The following CBFA2T3 variants were observed in gnomAD, a reference collection of about 807,000 sequenced individuals.
The protein encoded by CBFA2T3 is CBFA2/RUNX1 partner transcriptional co-repressor 3, also known as transcriptional corepressor CBFA2T3.
CBFA2T3 carries 31 observed loss-of-function variants against 58.6 expected under a neutral mutation model. That is an observed-to-expected ratio of 0.53 (90% confidence interval 0.40 to 0.71). CBFA2T3 has a LOEUF of 0.71. Ranked by LOEUF, CBFA2T3 falls within the 30% of genes least tolerant of loss-of-function variation. The pLI, the probability that CBFA2T3 is intolerant of heterozygous loss-of-function variation, is 0.00. For missense variants in CBFA2T3, 1,076 were observed against 963.1 expected (o/e 1.12, Z -1.55); for synonymous variants, 531 against 421.9 (o/e 1.26, Z -3.17).
Position 88,877,233 on chromosome 16 carries a change from C to T in CBFA2T3, c.1705G>A (p.Gly569Ser). Residue 569 changes from glycine (G) to serine (S), a missense_variant, in exon 12 of 12, where the codon GGC becomes AGC. By Grantham distance (56) the Gly-to-Ser change is moderately conservative (BLOSUM62 0). Transcript: ENST00000268679. ...CCGCAGTAGCGTGCCGCGTTGCAGCCGCTGCACGTCTCACTGGCTTTCCGC... is the reference window on the plus strand; with the variant it reads ...CCGCAGTAGCGTGCCGCGTTGCAGCTGCTGCACGTCTCACTGGCTTTCCGC... ...CGRKASETCS[G>S]CNAARYCGSF... The T allele has an allele frequency of 6.4e-7, 1 of 1,555,698 alleles. No homozygotes were observed. The highest frequency in any genetic ancestry group is 8.7e-7 in the Non-Finnish European group (1 of 1,150,340).
chr16:88,886,373 C>A (rs1041207746), intron 5 of CBFA2T3: 5 of 397,786 alleles, frequency 1.3e-5, no homozygotes, highest in Admixed American at 4.1e-5. Context: ...CTGGGCCACA[C>A]GGCGATGTGG....
intron 1 of CBFA2T3, among the ~76,000 whole-genome samples, chr16:88,931,969 C>T (rs962664728): frequency 3.3e-5 from 5 of 152,090 alleles, no homozygotes; most frequent in Non-Finnish European, 7.4e-5. Context: ...GTCTGGACAG[C>T]CAGGTCATAG....
chr16:88,881,320 C>A lies in CBFA2T3; in HGVS notation c.1373G>T (p.Ser458Ile). Residue 458 changes from serine to isoleucine, a missense_variant, in exon 9 of 12, where the codon AGC becomes ATC. By Grantham distance (142) the Ser-to-Ile change is moderately radical (BLOSUM62 -2). Transcript: ENST00000268679. ...CTGAGGCCCTTCGGGACCGGCGGAGCTGCTGCGGGGCCGGGCCGCGGCGGG... is the reference window on the plus strand; with the variant it reads ...CTGAGGCCCTTCGGGACCGGCGGAGATGCTGCGGGGCCGGGCCGCGGCGGG... ...PAPAAARPRS[S>I]SAGPEGPQLD... is the part of the protein sequence containing the mutation. The A allele has an allele frequency of 6.3e-7, 1 of 1,589,276 alleles. No homozygotes were observed. The highest frequency in any genetic ancestry group is 1.1e-5 in the South Asian group (1 of 89,120).
intron 3 of CBFA2T3, among the ~76,000 whole-genome samples, chr16:88,893,426 G>A (rs1051775172): frequency 6.6e-6 from 1 of 152,122 alleles, no homozygotes; most frequent in East Asian, 1.9e-4. Flanking sequence ...GTGACTCCCA[G>A]CCATGAGCAA....
intron 1 of CBFA2T3, among the ~76,000 whole-genome samples, chr16:88,925,174 G>A (rs937713858): frequency 6.6e-6 from 1 of 152,248 alleles, no homozygotes; most frequent in Admixed American, 6.5e-5. Context: ...GCAGAGGGCC[G>A]GGTTCCAGCC....
intron 3 of CBFA2T3, among the ~76,000 whole-genome samples, chr16:88,893,599 A>G (rs1461888768): frequency 2.0e-5 from 3 of 152,194 alleles, no homozygotes; most frequent in Admixed American, 6.5e-5. Context: ...CCGTGCACAC[A>G]GGCCAGTGCA....
intron 1 of CBFA2T3, among the ~76,000 whole-genome samples, chr16:88,964,604 C>T (rs370385316): frequency 1.8e-4 from 28 of 152,280 alleles, no homozygotes; most frequent in African/African-American, 5.1e-4. Flanking sequence ...TCCCTCATCG[C>T]GGAATAATAC....
At chr16:88,888,858 G>A (rs1033556505) in intron 5 of CBFA2T3, among the ~76,000 whole-genome samples, 3 of 151,844 alleles carry the variant, frequency 2.0e-5, no homozygotes, top group Non-Finnish European at 2.9e-5. Context: ...CACACAGGCC[G>A]TGGGATCCCC....
rs567168194 is a variant in CBFA2T3, at chr16:88,888,051, C to T, written c.712-1909G>A. On this transcript the variant is annotated intron_variant, in intron 5 of 11. Transcript: ENST00000268679. ...CCCTTGCTGTATCTGCAAACTAGCG[C>T]TGTGGAGCCTCTGGCCGAGACAGAC... is the stretch of plus-strand genomic sequence containing the variant. Among the ~76,000 whole-genome samples the T allele has an allele frequency of 1.4e-4, 21 of 152,264 alleles. 1 individual carries two copies. The South Asian group carries it at 3.9e-3, about 29-fold the overall frequency.
At position 88,901,661 on chromosome 16, in the gene CBFA2T3, G is replaced by A. The variant is rs201584483; in HGVS notation, c.152-5C>T. The A allele has an allele frequency of 1.5e-5, 23 of 1,522,982 alleles. No homozygotes were observed. In the African/African-American group the frequency reaches 2.3e-4, roughly 15 times the overall value. 94.3% of individuals were successfully genotyped at this position (1,522,982 alleles called of 1,614,324 possible). On this transcript the variant is annotated splice_region_variant and splice_polypyrimidine_tract_variant and intron_variant, in intron 1 of 11. Coordinates refer to ENST00000268679, the MANE Select transcript of CBFA2T3 (RefSeq NM_005187.6). The stretch of plus-strand genomic sequence containing the variant: ...TAGCTTTCCTGTCCACTGGGGCTGC[G>A]ACCAACGGAGAAAGAAAGAGTCGGT...
At chr16:88,949,016 G>C (rs1387342837) in intron 1 of CBFA2T3, among the ~76,000 whole-genome samples, 1 of 152,224 alleles carries the variant, frequency 6.6e-6, no homozygotes, top group African/African-American at 2.4e-5. Context: ...ACTGCCCCAT[G>C]TGGGGAAAAT....
At position 88,911,062 on chromosome 16, in the gene CBFA2T3, G is replaced by C. The variant is rs182917857; in HGVS notation, c.152-9406C>G. ...GGGGAGCAGTGCCTTCTCTGCCATC[G>C]GTCTAGGCAGACCCTCCCGCCCCCA... On this transcript the variant is annotated intron_variant, in intron 1 of 11. Coordinates refer to ENST00000268679, the MANE Select transcript of CBFA2T3 (RefSeq NM_005187.6). 6.6e-5 allele frequency among the ~76,000 whole-genome samples: 10 copies of C among 152,330 alleles called. No homozygotes were observed. The East Asian group carries it at 1.2e-3, about 18-fold the overall frequency.
chr16:88,879,291 G>A lies in CBFA2T3; in HGVS notation c.1641C>T (p.Asn547=), dbSNP rs777028016. The part of the protein sequence containing the change: ...QASEDALTVI[N]QQEDSSESCW... ...CTACCTCGCTGGAGTCCTCCTGCTG[G>A]TTGATGACCGTCAGGGCGTCCTCGG... The change falls in exon 11 of 12, where the codon AAC becomes AAT. Residue 547 remains asparagine, a synonymous_variant. Coordinates refer to ENST00000268679, the MANE Select transcript of CBFA2T3 (RefSeq NM_005187.6). 1.9e-6 allele frequency: 3 copies of A among 1,602,484 alleles called. No individual in the cohort carries two copies. The highest frequency in any genetic ancestry group is 1.3e-5 in the African/African-American group (1 of 74,938).
rs1567629248 is a variant in CBFA2T3 at position 88,949,365 on chromosome 16, C to G, written c.151+27292G>C. ...CTTGAGGTCAGCAGTTCAAAACCAG[C>G]CTGGCCAACATGGCGAAACCCTATC... is the stretch of plus-strand genomic sequence containing the variant. On this transcript the variant is annotated intron_variant, in intron 1 of 11. Coordinates refer to ENST00000268679, the MANE Select transcript of CBFA2T3 (RefSeq NM_005187.6). Among the ~76,000 whole-genome samples, 3 of 152,208 alleles carry G rather than the reference C, an allele frequency of 2.0e-5. No individual in the cohort carries two copies. The South Asian group carries it at 6.2e-4, about 32-fold the overall frequency.
Position 88,876,806 on chromosome 16 carries a change from C to A in CBFA2T3, c.*170G>T. 1.9e-6 allele frequency: 1 copy of A among 534,378 alleles called. No homozygotes were observed. Among genetic ancestry groups the A allele is most frequent in the Non-Finnish European group, 3.2e-6 (1 of 316,662 alleles). The allele number at this position is 534,378 out of a possible 1,614,324, so 33.1% of individuals were successfully genotyped here. ...TGCGGTTTTGTTGGTTCTGTGTCTT[C>A]TTTCGGAGAGGGGCAGTAGCAGCAG... On this transcript the variant is annotated 3_prime_UTR_variant, in exon 12 of 12. Coordinates refer to ENST00000268679, the MANE Select transcript of CBFA2T3 (RefSeq NM_005187.6).
chr16:88,900,407 G>A (rs961176247), intron 2 of CBFA2T3, among the ~76,000 whole-genome samples: 5 of 152,254 alleles, frequency 3.3e-5, no homozygotes, highest in African/African-American at 9.6e-5. Flanking sequence ...AAAGCCCTCG[G>A]CGGAGCAGGC....
chr16:88,958,445 G>A lies in CBFA2T3; in HGVS notation c.151+18212C>T, dbSNP rs1036411046. Among the ~76,000 whole-genome samples, 7 of 152,126 alleles carry A rather than the reference G, an allele frequency of 4.6e-5. No individual in the cohort carries two copies. The highest frequency in any genetic ancestry group is 1.4e-4 in the African/African-American group (6 of 41,418). ...TTAGAGTAATGCCAGGCGGGGCGGC[G>A]GGGGAAGAAGGTTCTGGGGCGGGGC... On this transcript the variant is annotated intron_variant, in intron 1 of 11. Transcript: ENST00000268679. This position sits in a 1 kb window ranked among gnomAD's most constrained non-coding sequence, Gnocchi z 4.0.
intron 1 of CBFA2T3, among the ~76,000 whole-genome samples, chr16:88,934,720 A>C (rs1971438633): frequency 6.6e-6 from 1 of 151,756 alleles, no homozygotes; most frequent in African/African-American, 2.4e-5. Flanking sequence ...GCCCTCTTCC[A>C]CCCCCGAAGT....
At chr16:88,966,141 T>G (rs560814625) in intron 1 of CBFA2T3, among the ~76,000 whole-genome samples, 34 of 152,290 alleles carry the variant, frequency 2.2e-4, no homozygotes, top group African/African-American at 7.9e-4. Context: ...CCGGTTTGTG[T>G]GGGTCGCTCT....
Sources: allele counts gnomAD v4.1 joint callset (sites outside exome capture counted in the v4.1 genomes callset), GRCh38; gene constraint gnomAD v4.1.1; non-coding constraint Gnocchi (gnomAD v3.1); transcripts MANE v1.5; gene names NCBI Gene and HGNC (gene_info 2026-07-23, HGNC 2026-07-21).